The following TBC1D16 variants were observed in gnomAD, a reference collection of about 807,000 sequenced individuals.
The protein encoded by TBC1D16 is TBC1 domain family member 16.
In TBC1D16, 58 loss-of-function variants were observed where a neutral mutation model predicts 74.7. The observed-to-expected ratio is 0.78, with a 90% CI of 0.63 to 0.97. TBC1D16 has a LOEUF of 0.97. Among genes scored for constraint, TBC1D16 ranks in the 50% least tolerant of loss-of-function variants. TBC1D16 has a pLI of 0.00. For missense variants in TBC1D16, 1,014 were observed against 1,079.5 expected (o/e 0.94, Z 0.85); for synonymous variants, 493 against 474.7 (o/e 1.04, Z -0.50).
intron 3 of TBC1D16, among the ~76,000 whole-genome samples, chr17:79,995,589 T>C: frequency 6.9e-6 from 1 of 145,392 alleles, no homozygotes; most frequent in Non-Finnish European, 1.5e-5. Context: ...ATCAAGATCA[T>C]CCTGGCTAAC....
Position 79,986,743 on chromosome 17 carries a change from G to A in TBC1D16, c.779+23417C>T, listed in dbSNP as rs1436374020. 2.6e-5 allele frequency among the ~76,000 whole-genome samples: 4 copies of A among 152,118 alleles called. No homozygotes were observed. Among genetic ancestry groups the A allele is most frequent in the Non-Finnish European group, 5.9e-5 (4 of 68,016 alleles). On this transcript the variant is annotated intron_variant, in intron 3 of 11. Transcript: ENST00000310924. The surrounding 1 kb of genome is among the most constrained non-coding windows in gnomAD (Gnocchi z 6.0). ...TCCTGGTTGGGTTTTCCCTTCCAAGGAAGGCTCTACACACCCGGCCCTCCT... is the reference window on the plus strand; with the variant it reads ...TCCTGGTTGGGTTTTCCCTTCCAAGAAAGGCTCTACACACCCGGCCCTCCT...
intron 3 of TBC1D16, among the ~76,000 whole-genome samples, chr17:79,958,417 G>A (rs4889806): frequency 1.4e-4 from 21 of 151,754 alleles, no homozygotes; most frequent in Non-Finnish European, 2.1e-4. Context: ...ATGGGGTTTC[G>A]CCATGTTGGC....
chr17:79,948,901 C>A lies in TBC1D16; in HGVS notation c.1512G>T (p.Gly504=), dbSNP rs750828685. 46 of 1,614,012 alleles carry A rather than the reference C, an allele frequency of 2.9e-5. No homozygotes were observed. The East Asian group carries it at 1.0e-3, about 36-fold the overall frequency. The change falls in exon 8 of 12, where the codon GGG becomes GGT. Residue 504 remains glycine (G), a synonymous_variant. Transcript: ENST00000310924. ...TGCTCTCCACATTGGGATTGTCTTC[C>A]CCCCGGAAGAACTGGTTGTTCCGAT... ...RTDRNNQFFR[G]EDNPNVESMR... is the part of the protein sequence containing the mutation.
In TBC1D16 at chr17:79,941,205, C is replaced by T. The variant is rs1486910992; in HGVS notation, c.2056-98G>A. On this transcript the variant is annotated intron_variant, in intron 11 of 11. Transcript: ENST00000310924. This position sits in a 1 kb window ranked among gnomAD's most constrained non-coding sequence, Gnocchi z 4.3. Reference sequence around the variant, plus strand: ...CCAAAGACAGCAACAGCAGCAACAACGGCCTGCACCTCGGGGGCTCACCGA... The same window carrying T: ...CCAAAGACAGCAACAGCAGCAACAATGGCCTGCACCTCGGGGGCTCACCGA... 26 of 1,216,122 alleles carry T rather than the reference C, an allele frequency of 2.1e-5. No individual in the cohort carries two copies. The highest frequency in any genetic ancestry group is 1.3e-4 in the East Asian group (5 of 38,534). The allele number at this position is 1,216,122 out of a possible 1,614,324, so 75.3% of individuals were successfully genotyped here. A position where few individuals can be genotyped will look rare whatever the true frequency, so the allele number is the denominator to read the frequency against.
In TBC1D16 at chr17:79,971,154, C is replaced by T. The variant is rs1418533014; in HGVS notation, c.780-18336G>A. ...TCTCCTGCCTCAGCCTCCTGAGTAGCTGGGATTACAGGCGTGCACCACCAA... is the reference window on the plus strand; with the variant it reads ...TCTCCTGCCTCAGCCTCCTGAGTAGTTGGGATTACAGGCGTGCACCACCAA... On this transcript the variant is annotated intron_variant, in intron 3 of 11. Coordinates refer to ENST00000310924, the MANE Select transcript of TBC1D16 (RefSeq NM_019020.4). The surrounding 1 kb of genome is among the most constrained non-coding windows in gnomAD (Gnocchi z 4.6). 1.3e-5 allele frequency among the ~76,000 whole-genome samples: 2 copies of T among 152,152 alleles called. No individual in the cohort carries two copies. Among genetic ancestry groups the T allele is most frequent in the Non-Finnish European group, 2.9e-5 (2 of 68,002 alleles).
Position 79,941,427 on chromosome 17 carries a change from T to A in TBC1D16, c.2056-320A>T, listed in dbSNP as rs532005858. On this transcript the variant is annotated intron_variant, in intron 11 of 11. Coordinates refer to ENST00000310924, the MANE Select transcript of TBC1D16 (RefSeq NM_019020.4). The surrounding 1 kb of genome is among the most constrained non-coding windows in gnomAD (Gnocchi z 4.3). ...AACACCAGCACAGGGCCGGGTGGCG[T>A]CCAGCCAAGCCCACCTGTCCCTTTG... 5.9e-5 allele frequency among the ~76,000 whole-genome samples: 9 copies of A among 152,192 alleles called. No individual in the cohort carries two copies. The highest frequency in any genetic ancestry group is 1.7e-4 in the African/African-American group (7 of 41,500).
In TBC1D16 at chr17:80,013,389, C is replaced by T. The variant is rs1262435962; in HGVS notation, c.159G>A (p.Gln53=). ...NVCVHPPEGL[Q]GLGEHHPGYL... ...CACCTGGGTGGTGCTCCCCCAGCCCCTGCAGCCCCTCCGGCGGGTGCACGC... is the reference window on the plus strand; with the variant it reads ...CACCTGGGTGGTGCTCCCCCAGCCCTTGCAGCCCCTCCGGCGGGTGCACGC... The change falls in exon 2 of 12, where the codon CAG becomes CAA. Residue 53 remains glutamine, a synonymous_variant. Transcript: ENST00000310924. 1 of 1,608,164 alleles carries T rather than the reference C, an allele frequency of 6.2e-7. No individual in the cohort carries two copies. Among genetic ancestry groups the T allele is most frequent in the Non-Finnish European group, 8.5e-7 (1 of 1,177,784 alleles).
chr17:80,027,376 C>T (rs948492699), intron 1 of TBC1D16, among the ~76,000 whole-genome samples: 9 of 151,994 alleles, frequency 5.9e-5, no homozygotes, highest in African/African-American at 1.7e-4. Flanking sequence ...TCAAGAGAAT[C>T]GCTTGAGCCC....
At position 79,935,797 on chromosome 17, in the gene TBC1D16, A is replaced by G. The variant is rs1434229307; in HGVS notation, c.*5062T>C. On this transcript the variant is annotated 3_prime_UTR_variant, in exon 12 of 12. Transcript: ENST00000310924. ...AAATACCAAGAACAGATCACTTGCC[A>G]TGGACATCAGTAATCTATTGGTAAT... is the stretch of plus-strand genomic sequence containing the variant. The G allele has an allele frequency of 6.6e-6, 1 of 152,252 alleles. No individual in the cohort carries two copies. Among genetic ancestry groups the G allele is most frequent in the Non-Finnish European group, 1.5e-5 (1 of 68,054 alleles). 9.4% of individuals were successfully genotyped at this position (152,252 alleles called of 1,614,324 possible).
At chr17:79,942,622 C>T (rs1476680711) in intron 10 of TBC1D16, among the ~76,000 whole-genome samples, 2 of 152,118 alleles carry the variant, frequency 1.3e-5, no homozygotes, top group African/African-American at 2.4e-5. Flanking sequence ...ACGGTGTGTG[C>T]GGAAGTCTGG....
rs892259420 is a variant in TBC1D16, at chr17:80,007,467, G to A, written c.779+2693C>T. On this transcript the variant is annotated intron_variant, in intron 3 of 11. Transcript: ENST00000310924. The surrounding 1 kb of genome is among the most constrained non-coding windows in gnomAD (Gnocchi z 4.5). Reference sequence around the variant, plus strand: ...TGCCAGGACTGGAAACAGATCTGTCGGACCCCAAAATTTACTCCTTCACCA... The same window carrying A: ...TGCCAGGACTGGAAACAGATCTGTCAGACCCCAAAATTTACTCCTTCACCA... Among the ~76,000 whole-genome samples, 26 of 152,122 alleles carry A rather than the reference G, an allele frequency of 1.7e-4. No homozygotes were observed. The highest frequency in any genetic ancestry group is 2.5e-4 in the Non-Finnish European group (17 of 68,020).
chr17:80,019,389 C>T (rs886423701), intron 1 of TBC1D16, among the ~76,000 whole-genome samples: 3 of 149,240 alleles, frequency 2.0e-5, no homozygotes, highest in Non-Finnish European at 4.4e-5. Flanking sequence ...TCGTCCCCCA[C>T]GTGCAGAACT....
intron 3 of TBC1D16, among the ~76,000 whole-genome samples, chr17:79,982,913 C>A (rs1351405945): frequency 6.6e-6 from 1 of 152,182 alleles, no homozygotes; most frequent in Non-Finnish European, 1.5e-5. Flanking sequence ...ACTCATTCCA[C>A]TTTTTTGTAA....
chr17:80,030,175 A>G (rs1478226461), intron 1 of TBC1D16, among the ~76,000 whole-genome samples: 1 of 152,142 alleles, frequency 6.6e-6, no homozygotes, highest in Admixed American at 6.5e-5. Context: ...GGATTAGGAC[A>G]TGGGCATCTT....
At chr17:79,997,526 G>A (rs1297623116) in intron 3 of TBC1D16, among the ~76,000 whole-genome samples, 1 of 152,186 alleles carries the variant, frequency 6.6e-6, no homozygotes, top group Admixed American at 6.5e-5. Flanking sequence ...GCTGCCCTCT[G>A]CCTCTGTACA....
chr17:80,024,578 A>ACCATAGACAAAC (rs2036460734), intron 1 of TBC1D16, among the ~76,000 whole-genome samples: 1 of 26,190 alleles, frequency 3.8e-5, no homozygotes, highest in Non-Finnish European at 7.1e-5. Flanking sequence ...CACCATAGGC[A>ACCATAGACAAAC]CACACACCAC....
At chr17:80,025,005 T>C (rs78870305) in intron 1 of TBC1D16, among the ~76,000 whole-genome samples, 109,932 of 113,812 alleles carry the variant, frequency 0.97, 53,157 homozygotes, top group Non-Finnish European at 0.98. Flanking sequence ...ACACACACCA[T>C]AGACACACAC....
intron 1 of TBC1D16, among the ~76,000 whole-genome samples, chr17:80,022,977 G>T (rs141186056): frequency 1.2e-4 from 18 of 149,938 alleles, no homozygotes; most frequent in Non-Finnish European, 2.5e-4. Flanking sequence ...ATTTTAAGAG[G>T]TGCCTTGGCC....
intron 10 of TBC1D16, 129 bp from the exon 11 acceptor site, chr17:79,942,335 G>C: frequency 9.7e-7 from 1 of 1,026,548 alleles, no homozygotes; most frequent in Non-Finnish European, 1.4e-6. Context: ...AGCCCAGCTC[G>C]GGGGCCGTGT....
Sources: gnomAD v4.1 joint callset for allele counts (sites outside exome capture counted in the v4.1 genomes callset) on GRCh38, gnomAD v4.1.1 for gene constraint, Gnocchi (gnomAD v3.1) non-coding constraint, MANE v1.5 for transcripts, NCBI Gene and HGNC (gene_info 2026-07-23, HGNC 2026-07-21) for gene names.